The following CACNA2D1 variants were observed in gnomAD, a reference collection of about 807,000 sequenced individuals.
CACNA2D1 encodes calcium voltage-gated channel auxiliary subunit alpha2delta 1.
CACNA2D1 carries 53 observed loss-of-function variants against 171.5 expected under a neutral mutation model. That is an observed-to-expected ratio of 0.31 (90% CI 0.25 to 0.39). CACNA2D1 has a LOEUF of 0.39. CACNA2D1 is among the 10% of genes least tolerant of loss of function. The pLI is 1.00. For synonymous variants in CACNA2D1, 442 were observed against 443.1 expected (o/e 1.00, Z 0.03); for missense variants, 903 against 1,299.8 (o/e 0.69, Z 4.69).
intron 3 of CACNA2D1, among the ~76,000 whole-genome samples, chr7:82,251,351 G>T (rs117558668): frequency 1.1e-3 from 174 of 152,080 alleles, no homozygotes; most frequent in Middle Eastern, 6.8e-3. Flanking sequence ...CTATGTTTTG[G>T]GTACTGGAAA....
Position 82,410,648 on chromosome 7 carries a change from G to C in CACNA2D1, c.95+32717C>G, listed in dbSNP as rs145070151. On this transcript the variant is annotated intron_variant, in intron 1 of 38. Transcript: ENST00000356860. ...AAGGCGAGTCTGACTGAGCAGGCGCGTAAGGGCAAATCCTGCTCCCAACTG... is the reference window on the plus strand; with the variant it reads ...AAGGCGAGTCTGACTGAGCAGGCGCCTAAGGGCAAATCCTGCTCCCAACTG... 2.5e-3 allele frequency: 748 copies of C among 294,390 alleles called. 4 individuals carry two copies. The highest frequency in any genetic ancestry group is 0.016 in the African/African-American group (693 of 44,096). 18.2% of individuals were successfully genotyped at this position (294,390 alleles called of 1,614,324 possible).
At chr7:81,988,707 C>T (rs187276294) in intron 21 of CACNA2D1, among the ~76,000 whole-genome samples, 36 of 152,244 alleles carry the variant, frequency 2.4e-4, no homozygotes, top group Admixed American at 2.2e-3. Flanking sequence ...TTGAAAATTT[C>T]TTCAGTTGGA....
chr7:82,322,608 T>C (rs168806), intron 3 of CACNA2D1, among the ~76,000 whole-genome samples: 3 of 151,946 alleles, frequency 2.0e-5, no homozygotes, highest in Non-Finnish European at 4.4e-5. Context: ...GACAGAATGA[T>C]ACCCTGTCTC....
chr7:82,088,192 T>C (rs1056420643), intron 6 of CACNA2D1, among the ~76,000 whole-genome samples: 49 of 152,212 alleles, frequency 3.2e-4, no homozygotes, highest in African/African-American at 1.2e-3. Context: ...TGTTTTATAT[T>C]ATAAAGAGTT....
chr7:82,117,004 A>G (rs1789131265), intron 6 of CACNA2D1, 40 bp downstream of exon 6: 1 of 1,608,938 alleles, frequency 6.2e-7, no homozygotes, highest in Non-Finnish European at 8.5e-7. Flanking sequence ...GACAGGCGAG[A>G]GCATGGTATT....
chr7:82,367,442 G>A (rs985850561), intron 1 of CACNA2D1, among the ~76,000 whole-genome samples: 1 of 152,086 alleles, frequency 6.6e-6, no homozygotes, highest in Non-Finnish European at 1.5e-5. Flanking sequence ...CCACCTCACA[G>A]AGGAATTCTC....
At chr7:82,188,707 CACAT>C (rs1798004731) in intron 3 of CACNA2D1, among the ~76,000 whole-genome samples, 1 of 152,060 alleles carries the variant, frequency 6.6e-6, no homozygotes, top group African/African-American at 2.4e-5. Context: ...CTACCATAGA[CACAT>C]GCATGCATCT....
chr7:82,168,440 G>C (rs373963029), intron 4 of CACNA2D1, among the ~76,000 whole-genome samples: 1 of 152,016 alleles, frequency 6.6e-6, no homozygotes, highest in Non-Finnish European at 1.5e-5. Context: ...CACCATGCCC[G>C]GCCAAGTGGC....
intron 1 of CACNA2D1, among the ~76,000 whole-genome samples, chr7:82,426,474 T>A (rs1008954370): frequency 2.6e-5 from 4 of 152,146 alleles, no homozygotes; most frequent in African/African-American, 7.2e-5. Flanking sequence ...TTAAACAGCA[T>A]AATGTAATTG....
chr7:82,428,148 C>T (rs1310076109), intron 1 of CACNA2D1, among the ~76,000 whole-genome samples: 2 of 150,562 alleles, frequency 1.3e-5, no homozygotes, highest in African/African-American at 2.4e-5. Context: ...TGCAACCACA[C>T]CATATATGAT....
chr7:81,954,761 A>G (rs1793022611), intron 38 of CACNA2D1, among the ~76,000 whole-genome samples: 1 of 152,122 alleles, frequency 6.6e-6, no homozygotes, highest in Admixed American at 6.6e-5. Context: ...CCATCAAATC[A>G]TGGACTAACT....
intron 4 of CACNA2D1, among the ~76,000 whole-genome samples, chr7:82,153,151 G>A (rs1186131655): frequency 6.6e-6 from 1 of 150,814 alleles, no homozygotes; most frequent in Non-Finnish European, 1.5e-5. Flanking sequence ...GAAAGGCTGA[G>A]ACCTTGGCAA....
chr7:82,379,251 A>G (rs7788848), intron 1 of CACNA2D1, among the ~76,000 whole-genome samples: 94,248 of 151,840 alleles, frequency 0.62, 29,890 homozygotes, highest in Middle Eastern at 0.74. Context: ...GCAACTCCAT[A>G]TCTACTGACT....
chr7:82,003,931 G>A (rs1798870356), intron 18 of CACNA2D1, among the ~76,000 whole-genome samples: 1 of 151,960 alleles, frequency 6.6e-6, no homozygotes, highest in African/African-American at 2.4e-5. Flanking sequence ...TTTTAGTAGA[G>A]ACAGGGTTTC....
intron 3 of CACNA2D1, among the ~76,000 whole-genome samples, chr7:82,180,928 G>A (rs1421522730): frequency 6.6e-6 from 1 of 151,706 alleles, no homozygotes; most frequent in African/African-American, 2.4e-5. Context: ...CTTTCTCGCA[G>A]GTGTTGCAGA....
rs561804709 is a variant in CACNA2D1 at position 82,192,282 on chromosome 7, A to T, written c.295-21673T>A. 7.9e-5 allele frequency among the ~76,000 whole-genome samples: 12 copies of T among 151,880 alleles called. No individual in the cohort carries two copies. The South Asian group carries it at 2.5e-3, about 31-fold the overall frequency. On this transcript the variant is annotated intron_variant, in intron 3 of 38. Transcript: ENST00000356860. ...AATCACTTAGTGCTGAGTGCCAAGCATTGTATTAGGTAATTTCACAATAAC... is the reference window on the plus strand; with the variant it reads ...AATCACTTAGTGCTGAGTGCCAAGCTTTGTATTAGGTAATTTCACAATAAC...
At chr7:82,186,259 G>GAAGA (rs1469580307) in intron 3 of CACNA2D1, among the ~76,000 whole-genome samples, 8 of 92,400 alleles carry the variant, frequency 8.7e-5, no homozygotes, top group African/African-American at 2.4e-4. Context: ...AGGAAGAAAG[G>GAAGA]AAGGAAGGAA....
At chr7:82,020,515 A>T (rs979416801) in intron 12 of CACNA2D1, among the ~76,000 whole-genome samples, 1 of 152,148 alleles carries the variant, frequency 6.6e-6, no homozygotes, top group African/African-American at 2.4e-5. Flanking sequence ...GGAAATTGTA[A>T]GCTCTGTAAG....
At chr7:81,975,337 T>C (rs572465177) in intron 24 of CACNA2D1, among the ~76,000 whole-genome samples, 6 of 152,148 alleles carry the variant, frequency 3.9e-5, no homozygotes, top group Non-Finnish European at 8.8e-5. Context: ...ATTACCATTA[T>C]TTTAAAAAAT....
Sources: gnomAD v4.1 joint callset for allele counts (sites outside exome capture counted in the v4.1 genomes callset) on GRCh38, gnomAD v4.1.1 for gene constraint, MANE v1.5 for transcripts, NCBI Gene and HGNC (gene_info 2026-07-23, HGNC 2026-07-21) for gene names.